Variants in CDC42BPA observed in about 807,000 individuals in gnomAD.
CDC42BPA encodes the protein serine/threonine-protein kinase MRCK alpha.
A neutral mutation model predicts 223.5 loss-of-function variants in CDC42BPA; 80 were observed. That is an observed-to-expected ratio of 0.36 (90% CI 0.30 to 0.43). The LOEUF is 0.43. CDC42BPA is among the 20% of genes least tolerant of loss of function. The probability of loss-of-function intolerance (pLI) is 1.00; values close to 1 mark genes in which losing one functional copy is unlikely to be tolerated. For synonymous variants in CDC42BPA, 694 were observed against 718.6 expected (o/e 0.97, Z 0.55); for missense variants, 1,743 against 2,099.9 (o/e 0.83, Z 3.32).
chr1:227,212,041 G>A (rs1018597833), intron 3 of CDC42BPA, among the ~76,000 whole-genome samples: 2 of 151,808 alleles, frequency 1.3e-5, no homozygotes, highest in Admixed American at 1.3e-4. Context: ...GCTATTATTT[G>A]TTTTACAGAG....
chr1:227,257,895 G>C (rs1422038749), intron 1 of CDC42BPA, among the ~76,000 whole-genome samples: 1 of 151,068 alleles, frequency 6.6e-6, no homozygotes, highest in Non-Finnish European at 1.5e-5. Context: ...ATGGGGCCGG[G>C]TGTGGTGGTT....
At chr1:227,042,390 C>T (rs1232831904) in intron 23 of CDC42BPA, among the ~76,000 whole-genome samples, 2 of 151,480 alleles carry the variant, frequency 1.3e-5, no homozygotes, top group African/African-American at 4.9e-5. Context: ...AAAAATATAA[C>T]AACCCAGTGT....
At chr1:227,223,670 T>A (rs1676333909) in intron 2 of CDC42BPA, among the ~76,000 whole-genome samples, 2 of 152,220 alleles carry the variant, frequency 1.3e-5, no homozygotes, top group Non-Finnish European at 2.9e-5. Context: ...CTCAGCACTA[T>A]CACTATTACC....
At chr1:227,037,216 T>G (rs888080530) in intron 24 of CDC42BPA, among the ~76,000 whole-genome samples, 27 of 152,334 alleles carry the variant, frequency 1.8e-4, no homozygotes, top group African/African-American at 6.0e-4. Context: ...AATTTTCTCC[T>G]TCTTTGCCTT....
At position 227,293,880 on chromosome 1, in the gene CDC42BPA, A is replaced by T. The variant is rs114539591; in HGVS notation, c.178+23125T>A. ...AATAAGGGATAAATGCTGCTTTTAA[A>T]AGTGTCTCTAGCTTGTAATAAAATG... is the stretch of plus-strand genomic sequence containing the variant. On this transcript the variant is annotated intron_variant, in intron 1 of 36. Transcript: ENST00000366766. Among the ~76,000 whole-genome samples, 563 of 152,352 alleles carry T rather than the reference A, an allele frequency of 3.7e-3. 3 individuals are homozygous for T. The highest frequency in any genetic ancestry group is 0.013 in the African/African-American group (544 of 41,580).
At chr1:227,108,345 T>C (rs1333369458) in intron 14 of CDC42BPA, among the ~76,000 whole-genome samples, 2 of 152,222 alleles carry the variant, frequency 1.3e-5, no homozygotes, top group African/African-American at 4.8e-5. Context: ...TGGTGATTTA[T>C]TCTTTGACCT....
intron 5 of CDC42BPA, 62 bp downstream of exon 5, chr1:227,193,724 G>A: frequency 8.1e-7 from 1 of 1,233,238 alleles, no homozygotes; most frequent in Non-Finnish European, 1.1e-6. Context: ...GCAAGAAATA[G>A]GCCTCTGTTG....
At position 227,023,330 on chromosome 1, in the gene CDC42BPA, A is replaced by G; in HGVS notation, c.4548T>C (p.Asn1516=). The G allele has an allele frequency of 6.5e-7, 1 of 1,544,934 alleles. No individual in the cohort carries two copies. Among genetic ancestry groups the G allele is most frequent in the Non-Finnish European group, 8.9e-7 (1 of 1,127,958 alleles). Residue 1516 remains asparagine, a synonymous_variant, in exon 32 of 37, where the codon AAT becomes AAC. Transcript: ENST00000366766. ...LPLKKVRPLN[N]EGSLNLLGLE... ...ACCCTAAAAGATTTAATGATCCTTC[A>G]TTGTTTAAGGGTCGAACCTAAAATA...
At chr1:227,265,561 G>A (rs762331453) in intron 1 of CDC42BPA, among the ~76,000 whole-genome samples, 3 of 151,532 alleles carry the variant, frequency 2.0e-5, no homozygotes, top group Non-Finnish European at 2.9e-5. Context: ...TCCGGGAGGT[G>A]GAGGTTGCAG....
intron 14 of CDC42BPA, among the ~76,000 whole-genome samples, chr1:227,104,863 T>A (rs1685638960): frequency 6.6e-6 from 1 of 152,110 alleles, no homozygotes; most frequent in Non-Finnish European, 1.5e-5. Context: ...TATCTTGATT[T>A]TGAACTTCTA....
intron 10 of CDC42BPA, 120 bp downstream of exon 10, chr1:227,139,456 A>T: frequency 1.6e-6 from 1 of 620,410 alleles, no homozygotes; most frequent in Non-Finnish European, 2.7e-6. Context: ...CATCTCTACA[A>T]CTTGATTTTT....
Position 227,016,096 on chromosome 1 carries a change from A to G in CDC42BPA, c.4841T>C (p.Leu1614Pro). Residue 1614 changes from leucine (L) to proline (P), a missense_variant, in exon 34 of 37, where the codon CTG becomes CCG. Physicochemically the swap from Leu to Pro is moderately conservative, Grantham distance 98 (BLOSUM62 -3). This residue lies in a region of CDC42BPA where 200 missense variants were observed against 192.8 expected (regional missense o/e 1.04). Coordinates refer to ENST00000366766, the MANE Select transcript of CDC42BPA (RefSeq NM_001394014.1). ...HMGPGDGIQI[L>P]KDLPMNPRPQ... ...TCCTCTTACCATGGGCAGATCTTTC[A>G]GGATCTGTATTCCATCTCCAGGACC... is the stretch of plus-strand genomic sequence containing the variant. 2 of 1,584,062 alleles carry G rather than the reference A, an allele frequency of 1.3e-6. No individual in the cohort carries two copies. The highest frequency in any genetic ancestry group is 1.7e-6 in the Non-Finnish European group (2 of 1,153,022).
chr1:227,248,246 T>C (rs1033576857), intron 2 of CDC42BPA, among the ~76,000 whole-genome samples: 2 of 152,118 alleles, frequency 1.3e-5, no homozygotes, highest in Non-Finnish European at 2.9e-5. Flanking sequence ...TCTTTAAGTA[T>C]TAGCTAGAGC....
chr1:227,216,835 A>G (rs574758257), intron 2 of CDC42BPA, among the ~76,000 whole-genome samples: 1 of 152,328 alleles, frequency 6.6e-6, no homozygotes, highest in Admixed American at 6.5e-5. Context: ...TTTTAAAAAC[A>G]CTAGCAATGT....
At chr1:227,181,692 C>A (rs1468218969) in intron 5 of CDC42BPA, among the ~76,000 whole-genome samples, 1 of 152,090 alleles carries the variant, frequency 6.6e-6, no homozygotes, top group African/African-American at 2.4e-5. Context: ...ACCTCTTACC[C>A]AAGAAAATAG....
intron 2 of CDC42BPA, among the ~76,000 whole-genome samples, chr1:227,252,708 T>C (rs555822661): frequency 6.6e-6 from 1 of 152,288 alleles, no homozygotes; most frequent in African/African-American, 2.4e-5. Context: ...GTTGGGCTTA[T>C]TTTAGGAATG....
At chr1:227,026,378 C>T (rs999147769) in intron 30 of CDC42BPA, among the ~76,000 whole-genome samples, 3 of 152,100 alleles carry the variant, frequency 2.0e-5, no homozygotes, top group Non-Finnish European at 4.4e-5. Context: ...ATAATATAGA[C>T]GGATTCTGTA....
chr1:227,031,968 C>A lies in CDC42BPA; in HGVS notation c.3559-454G>T, dbSNP rs1484992449. Among the ~76,000 whole-genome samples the A allele has an allele frequency of 3.3e-5, 5 of 152,264 alleles. No homozygotes were observed. The East Asian group carries it at 9.7e-4, about 29-fold the overall frequency. On this transcript the variant is annotated intron_variant, in intron 27 of 36. Coordinates refer to ENST00000366766, the MANE Select transcript of CDC42BPA (RefSeq NM_001394014.1). ...AAATGGTGATGCAAAGAAATTAAAT[C>A]ATTTCTCCAAGGACATACAACTACA...
intron 16 of CDC42BPA, among the ~76,000 whole-genome samples, chr1:227,090,055 T>G (rs1254453673): frequency 6.6e-6 from 1 of 152,210 alleles, no homozygotes; most frequent in East Asian, 1.9e-4. Context: ...ATTGTTAGTC[T>G]TATTTCAATG....
Sources: allele counts gnomAD v4.1 joint callset (sites outside exome capture counted in the v4.1 genomes callset), GRCh38; gene constraint gnomAD v4.1.1; regional missense constraint gnomAD v4.1.1; transcripts MANE v1.5; gene names NCBI Gene and HGNC (gene_info 2026-07-23, HGNC 2026-07-21).